TMPRSS15: variants seen among roughly 807,000 people sequenced by gnomAD.
TMPRSS15 encodes enteropeptidase.
TMPRSS15 carries 128 observed loss-of-function variants against 125.3 expected under a neutral mutation model. That is an observed-to-expected ratio of 1.02 (90% CI 0.89 to 1.18). The LOEUF is 1.18. TMPRSS15 is among the 50% of genes most tolerant of loss of function. TMPRSS15 has a pLI of 0.00. For synonymous variants in TMPRSS15, 446 were observed against 423.2 expected (o/e 1.05, Z -0.66); for missense variants, 1,283 against 1,212.7 (o/e 1.06, Z -0.86).
chr21:18,478,076 T>A (rs932866527), intron 1 of TMPRSS15, among the ~76,000 whole-genome samples: 1 of 152,180 alleles, frequency 6.6e-6, no homozygotes, highest in South Asian at 2.1e-4. Flanking sequence ...CCTGTGTATA[T>A]ACAAGATGTT....
chr21:18,476,795 G>A (rs766328525), intron 1 of TMPRSS15, among the ~76,000 whole-genome samples: 1 of 152,074 alleles, frequency 6.6e-6, no homozygotes, highest in Non-Finnish European at 1.5e-5. Flanking sequence ...GCACAGTAAA[G>A]TAGCATAGTA....
At chr21:18,461,919 T>C (rs2122952879) in intron 1 of TMPRSS15, among the ~76,000 whole-genome samples, 24 of 152,236 alleles carry the variant, frequency 1.6e-4, no homozygotes, top group African/African-American at 5.1e-4. Context: ...GTTATCAGAA[T>C]TAGAAAAACT....
intron 3 of TMPRSS15, among the ~76,000 whole-genome samples, chr21:18,391,426 T>C (rs371557055): frequency 6.6e-6 from 1 of 152,216 alleles, no homozygotes; most frequent in Non-Finnish European, 1.5e-5. Context: ...ACAGGCCCCA[T>C]GCAACTCCAA....
In TMPRSS15 at chr21:18,357,198, C is replaced by A. The variant is rs550343140; in HGVS notation, c.880+2559G>T. ...ATGAAGTATTAATAATTATTACAACCATTGAATTCAATATTATACCTTCAT... is the reference window on the plus strand; with the variant it reads ...ATGAAGTATTAATAATTATTACAACAATTGAATTCAATATTATACCTTCAT... On this transcript the variant is annotated intron_variant, in intron 8 of 24. Transcript: ENST00000284885. Among the ~76,000 whole-genome samples, 40 of 151,946 alleles carry A rather than the reference C, an allele frequency of 2.6e-4. 2 individuals carry two copies. The South Asian group carries it at 8.3e-3, about 31-fold the overall frequency.
intron 13 of TMPRSS15, among the ~76,000 whole-genome samples, chr21:18,334,289 T>C (rs2075371180): frequency 1.3e-5 from 2 of 152,230 alleles, no homozygotes; most frequent in African/African-American, 2.4e-5. Flanking sequence ...TCCTGTTCTG[T>C]AAAGAGATAG....
rs781551698 is a variant in TMPRSS15 at position 18,353,030 on chromosome 21, G to A, written c.1044C>T (p.Asn348=). The change falls in exon 10 of 25, where the codon AAC becomes AAT. Residue 348 remains asparagine (N), a synonymous_variant. Coordinates refer to ENST00000284885, the MANE Select transcript of TMPRSS15 (RefSeq NM_002772.3). ...CCCAGAAACAAAAGCCATCCTCAAA[G>A]TTACAATTAATTTTCTCATAATCTG... ...ELNNYEKINC[N]FEDGFCFWVQ... The A allele has an allele frequency of 1.9e-6, 3 of 1,609,910 alleles. No individual in the cohort carries two copies. Among genetic ancestry groups the A allele is most frequent in the South Asian group, 2.2e-5 (2 of 90,812 alleles).
intron 15 of TMPRSS15, among the ~76,000 whole-genome samples, chr21:18,327,914 G>A (rs895196820): frequency 1.3e-5 from 2 of 151,988 alleles, no homozygotes; most frequent in Non-Finnish European, 2.9e-5. Flanking sequence ...TTAGCCGGGC[G>A]AGGTGGTGGG....
At chr21:18,418,505 G>C (rs1334712709) in intron 1 of TMPRSS15, among the ~76,000 whole-genome samples, 2 of 152,064 alleles carry the variant, frequency 1.3e-5, no homozygotes, top group Non-Finnish European at 2.9e-5. Context: ...CCTTAAACTT[G>C]GGTCAACCTT....
intron 24 of TMPRSS15, among the ~76,000 whole-genome samples, chr21:18,272,689 C>A (rs898285637): frequency 1.3e-5 from 2 of 152,060 alleles, no homozygotes; most frequent in African/African-American, 4.8e-5. Flanking sequence ...CATGCCACTG[C>A]ACTCCAGCCT....
At chr21:18,445,141 T>C (rs1177944451) in intron 1 of TMPRSS15, among the ~76,000 whole-genome samples, 1 of 151,942 alleles carries the variant, frequency 6.6e-6, no homozygotes, top group Non-Finnish European at 1.5e-5. Flanking sequence ...GGCTGGCTAG[T>C]ACTCCATTGT....
intron 1 of TMPRSS15, among the ~76,000 whole-genome samples, chr21:18,473,318 G>A (rs889714315): frequency 6.6e-6 from 1 of 151,988 alleles, no homozygotes; most frequent in African/African-American, 2.4e-5. Flanking sequence ...TCTGCATTTG[G>A]TTATTAGAAC....
At chr21:18,271,599 T>C (rs1452277879) in intron 24 of TMPRSS15, among the ~76,000 whole-genome samples, 2 of 152,108 alleles carry the variant, frequency 1.3e-5, no homozygotes, top group Admixed American at 1.3e-4. Context: ...TCTTTTCTTT[T>C]CTTTTTTTTT....
intron 8 of TMPRSS15, among the ~76,000 whole-genome samples, chr21:18,358,932 TTAAAA>T (rs1270621690): frequency 1.2e-4 from 18 of 152,208 alleles, no homozygotes; most frequent in Non-Finnish European, 2.5e-4. Flanking sequence ...GGCAAGGTTC[TTAAAA>T]TAAAGTTATT....
chr21:18,324,935 T>C (rs1322833556), intron 16 of TMPRSS15, among the ~76,000 whole-genome samples: 1 of 152,116 alleles, frequency 6.6e-6, no homozygotes, highest in African/African-American at 2.4e-5. Context: ...CAAACAAACA[T>C]GGTTATAGTA....
intron 1 of TMPRSS15, among the ~76,000 whole-genome samples, chr21:18,458,720 TA>T (rs1008151787): frequency 5.3e-5 from 8 of 152,250 alleles, no homozygotes; most frequent in African/African-American, 1.9e-4. Flanking sequence ...AATGTCTCCA[TA>T]ACACCCATAG....
At chr21:18,323,761 G>A (rs2075263564) in intron 16 of TMPRSS15, among the ~76,000 whole-genome samples, 1 of 151,886 alleles carries the variant, frequency 6.6e-6, no homozygotes, top group African/African-American at 2.4e-5. Context: ...AATTTAGGAT[G>A]GCCTCCAGTA....
chr21:18,398,438 T>C, intron 1 of TMPRSS15, 109 bp from the exon 2 acceptor site: 1 of 1,142,650 alleles, frequency 8.8e-7, no homozygotes, highest in Middle Eastern at 2.8e-4. Flanking sequence ...ATGTGTTAGC[T>C]CTGTAGTTCT....
intron 18 of TMPRSS15, among the ~76,000 whole-genome samples, chr21:18,299,524 G>A (rs1357983460): frequency 2.6e-5 from 4 of 152,196 alleles, no homozygotes; most frequent in Non-Finnish European, 5.9e-5. Context: ...CTCCAGAAAC[G>A]TCACTGGAAT....
chr21:18,378,267 T>A (rs1601412866), intron 5 of TMPRSS15, among the ~76,000 whole-genome samples: 1 of 152,232 alleles, frequency 6.6e-6, no homozygotes, highest in African/African-American at 2.4e-5. Flanking sequence ...TGAGAGGCTG[T>A]AAATAATTTT....
Sources: allele counts gnomAD v4.1 joint callset (sites outside exome capture counted in the v4.1 genomes callset), GRCh38; gene constraint gnomAD v4.1.1; transcripts MANE v1.5; gene names NCBI Gene and HGNC (gene_info 2026-07-23, HGNC 2026-07-21).